IQSEC1: variants seen among roughly 807,000 people sequenced by gnomAD.
IQSEC1 encodes the protein IQ motif and SEC7 domain-containing protein 1.
IQSEC1 carries 31 observed loss-of-function variants against 91.0 expected under a neutral mutation model. The observed-to-expected ratio is 0.34, with a 90% confidence interval of 0.26 to 0.46. IQSEC1 has a LOEUF of 0.46. Among genes scored for constraint, IQSEC1 ranks in the 20% least tolerant of loss-of-function variants. The pLI is 1.00. For missense variants in IQSEC1, 1,388 were observed against 1,575.6 expected, an observed-to-expected ratio of 0.88 and a Z score of 2.02; for synonymous variants, 699 against 662.6, an observed-to-expected ratio of 1.05 and a Z score of -0.84.
intron 1 of IQSEC1, among the ~76,000 whole-genome samples, chr3:12,990,028 C>G (rs1237936761): frequency 4.6e-5 from 7 of 152,152 alleles, no homozygotes; most frequent in Admixed American, 2.0e-4. Flanking sequence ...TGGATAAGCC[C>G]CAAACCTGGT....
chr3:12,912,665 C>T (rs1231391640), intron 9 of IQSEC1, among the ~76,000 whole-genome samples: 3 of 121,914 alleles, frequency 2.5e-5, no homozygotes, highest in Admixed American at 8.8e-5. Flanking sequence ...AGCGAGACTC[C>T]GTCTCAAAAA....
chr3:12,923,927 A>G (rs1559627500), intron 4 of IQSEC1, among the ~76,000 whole-genome samples: 1 of 152,224 alleles, frequency 6.6e-6, no homozygotes, highest in Non-Finnish European at 1.5e-5. Flanking sequence ...ATTTTTCTGC[A>G]GGCTTTCAAG....
chr3:13,102,314 C>T (rs534947351), intron 2 of IQSEC1, among the ~76,000 whole-genome samples: 40 of 152,166 alleles, frequency 2.6e-4, no homozygotes, highest in Non-Finnish European at 1.0e-4. Flanking sequence ...ATAACCTCTG[C>T]CTTCCATGCG....
intron 1 of IQSEC1, among the ~76,000 whole-genome samples, chr3:13,203,107 A>T (rs1422701865): frequency 6.6e-6 from 1 of 152,010 alleles, no homozygotes; most frequent in South Asian, 2.1e-4. Context: ...GGTGGGAAGG[A>T]CGGAGGAGAG....
At chr3:12,959,609 C>T (rs2125471262) in intron 1 of IQSEC1, among the ~76,000 whole-genome samples, 1 of 152,300 alleles carries the variant, frequency 6.6e-6, no homozygotes, top group African/African-American at 2.4e-5. Flanking sequence ...GTTGGGCCAA[C>T]AGAGCTAAGG....
At chr3:13,072,514 C>T (rs1009569270) in intron 1 of IQSEC1, among the ~76,000 whole-genome samples, 2 of 152,342 alleles carry the variant, frequency 1.3e-5, no homozygotes, top group African/African-American at 2.4e-5. Flanking sequence ...CTGATGCCTC[C>T]GTGCTAGGGA....
chr3:12,934,133 G>T (rs1029919237), intron 3 of IQSEC1, among the ~76,000 whole-genome samples: 1 of 152,312 alleles, frequency 6.6e-6, no homozygotes, highest in African/African-American at 2.4e-5. Context: ...CCTGTCCAGC[G>T]CATTGCTCCG....
intron 2 of IQSEC1, among the ~76,000 whole-genome samples, chr3:13,158,396 A>T (rs932803513): frequency 6.6e-6 from 1 of 152,236 alleles, no homozygotes; most frequent in African/African-American, 2.4e-5. Context: ...TTGGGGAAAA[A>T]GGCCCAGTTA....
intron 2 of IQSEC1, among the ~76,000 whole-genome samples, chr3:13,112,470 A>G (rs1706263066): frequency 6.6e-6 from 1 of 152,226 alleles, no homozygotes; most frequent in South Asian, 2.1e-4. Flanking sequence ...AGAGGGACTG[A>G]CAACCAATCA....
chr3:12,961,471 C>G (rs566601189), intron 1 of IQSEC1, among the ~76,000 whole-genome samples: 1 of 152,322 alleles, frequency 6.6e-6, no homozygotes, highest in South Asian at 2.1e-4. Flanking sequence ...TTGGACAGCA[C>G]GCTACAAGCA....
At chr3:13,034,032 C>A (rs1214681373) in intron 1 of IQSEC1, among the ~76,000 whole-genome samples, 1 of 152,226 alleles carries the variant, frequency 6.6e-6, no homozygotes, top group African/African-American at 2.4e-5. Flanking sequence ...CCACCCTAAT[C>A]CCCACATTTC....
chr3:12,917,327 ACCCTCAT>A (rs1696193537), intron 6 of IQSEC1, among the ~76,000 whole-genome samples: 1 of 152,022 alleles, frequency 6.6e-6, no homozygotes, highest in Non-Finnish European at 1.5e-5. Flanking sequence ...ACGTAGAACG[ACCCTCAT>A]CCACCATTAT....
chr3:13,045,060 C>T (rs935690368), intron 1 of IQSEC1, among the ~76,000 whole-genome samples: 1 of 152,226 alleles, frequency 6.6e-6, no homozygotes, highest in Admixed American at 6.5e-5. Context: ...GGACGCATGC[C>T]AAGGCAAGAT....
At position 13,103,912 on chromosome 3, in the gene IQSEC1, G is replaced by A. The variant is rs967344413; in HGVS notation, c.303-56390C>T. On this transcript the variant is annotated intron_variant, in intron 2 of 15. Transcript: ENST00000648114. The surrounding 1 kb of genome is among the most constrained non-coding windows in gnomAD (Gnocchi z 4.1). ...AACTTAGGACATTACCTTTGTGCCA[G>A]GTATTCTTCTATTTAATCTTCACGG... 1.4e-4 allele frequency among the ~76,000 whole-genome samples: 22 copies of A among 152,200 alleles called. No homozygotes were observed. The highest frequency in any genetic ancestry group is 5.1e-4 in the African/African-American group (21 of 41,444).
chr3:12,938,812 T>C (rs1398645258), intron 2 of IQSEC1, among the ~76,000 whole-genome samples: 1 of 152,098 alleles, frequency 6.6e-6, no homozygotes, highest in Non-Finnish European at 1.5e-5. Flanking sequence ...TCCTGAGACC[T>C]CCTGCCCAAA....
chr3:12,986,066 G>A (rs1050928323), intron 1 of IQSEC1, among the ~76,000 whole-genome samples: 17 of 152,292 alleles, frequency 1.1e-4, no homozygotes, highest in South Asian at 1.0e-3. Flanking sequence ...CAGCCTGAGC[G>A]ACCTGAGGAG....
chr3:12,981,841 G>T (rs1701479147), intron 1 of IQSEC1, among the ~76,000 whole-genome samples: 3 of 152,172 alleles, frequency 2.0e-5, no homozygotes. Context: ...CAGGAGCCGG[G>T]TGAGACCAGC....
intron 1 of IQSEC1, among the ~76,000 whole-genome samples, chr3:13,268,393 C>G (rs924110137): frequency 1.3e-5 from 2 of 152,232 alleles, no homozygotes; most frequent in Non-Finnish European, 2.9e-5. Flanking sequence ...TACATACTTA[C>G]TTCAGCCCAT....
rs370598102 is a variant in IQSEC1, at chr3:13,215,151, C to T, written c.273-51018G>A. On this transcript the variant is annotated intron_variant, in intron 1 of 15. Transcript: ENST00000648114. ...ACCCCTCCCCTGTGCCAGGCTCCTG[C>T]AGTACACAAGACAGGAGCATGGAGG... Among the ~76,000 whole-genome samples, 52 of 152,122 alleles carry T rather than the reference C, an allele frequency of 3.4e-4. 3 individuals carry two copies. Among genetic ancestry groups the T allele is most frequent in the Admixed American group, 1.1e-3 (17 of 15,290 alleles).
Sources: gnomAD v4.1 joint callset for allele counts (sites outside exome capture counted in the v4.1 genomes callset) on GRCh38, gnomAD v4.1.1 for gene constraint, Gnocchi (gnomAD v3.1) non-coding constraint, MANE v1.5 for transcripts, NCBI Gene and HGNC (gene_info 2026-07-23, HGNC 2026-07-21) for gene names.